Variants in INPP4B observed in about 807,000 individuals in gnomAD.
INPP4B encodes the protein inositol polyphosphate 4-phosphatase type II.
INPP4B carries 55 observed loss-of-function variants against 122.5 expected under a neutral mutation model. That is an observed-to-expected ratio of 0.45 (90% confidence interval 0.36 to 0.56). The LOEUF (loss-of-function observed/expected upper bound fraction) is 0.56, where lower values mean the gene tolerates loss of function less well. Ranked by LOEUF, INPP4B falls within the 20% of genes least tolerant of loss-of-function variation. INPP4B has a pLI of 0.00. For missense variants in INPP4B, 1,000 were observed against 1,097.7 expected (o/e 0.91, Z 1.26); for synonymous variants, 403 against 388.7 (o/e 1.04, Z -0.43).
At chr4:142,366,677 C>A (rs908643274) in intron 7 of INPP4B, among the ~76,000 whole-genome samples, 1 of 152,086 alleles carries the variant, frequency 6.6e-6, no homozygotes, top group Non-Finnish European at 1.5e-5. Flanking sequence ...TTTCTTACAG[C>A]ATCTTACAGG....
intron 2 of INPP4B, among the ~76,000 whole-genome samples, chr4:142,699,085 G>C (rs1461505027): frequency 6.6e-6 from 1 of 152,148 alleles, no homozygotes; most frequent in Non-Finnish European, 1.5e-5. Flanking sequence ...TGCATGGGTG[G>C]GGTGGAAGTG....
chr4:142,084,900 T>C (rs1329838833), intron 24 of INPP4B, among the ~76,000 whole-genome samples: 2 of 152,226 alleles, frequency 1.3e-5, no homozygotes, highest in African/African-American at 4.8e-5. Flanking sequence ...ACTATCTTCA[T>C]GCCGTCATGT....
rs1354516873 is a variant in INPP4B, at chr4:142,647,039, T to C, written c.-191+78800A>G. 2.0e-5 allele frequency among the ~76,000 whole-genome samples: 3 copies of C among 152,204 alleles called. No homozygotes were observed. In the South Asian group the frequency reaches 6.2e-4, roughly 31 times the overall value. Reference sequence around the variant, plus strand: ...TAACTTTACTGGTGGATAAAAATTTTTGTATAGGGGAAAATCTTGGGCCTA... The same window carrying C: ...TAACTTTACTGGTGGATAAAAATTTCTGTATAGGGGAAAATCTTGGGCCTA... On this transcript the variant is annotated intron_variant, in intron 2 of 25. Coordinates refer to ENST00000262992, the MANE Select transcript of INPP4B (RefSeq NM_001101669.3).
intron 2 of INPP4B, among the ~76,000 whole-genome samples, chr4:142,555,493 A>G (rs1310880094): frequency 6.6e-6 from 1 of 152,198 alleles, no homozygotes; most frequent in African/African-American, 2.4e-5. Context: ...ATAGTTGTAA[A>G]TGGGTATTTT....
At chr4:142,488,161 T>C (rs1348417922) in intron 2 of INPP4B, among the ~76,000 whole-genome samples, 6 of 152,130 alleles carry the variant, frequency 3.9e-5, no homozygotes, top group Non-Finnish European at 8.8e-5. Flanking sequence ...GAGGTGATCA[T>C]AGAACTTCCT....
At chr4:142,195,861 G>A (rs2149388162) in intron 14 of INPP4B, among the ~76,000 whole-genome samples, 1 of 152,264 alleles carries the variant, frequency 6.6e-6, no homozygotes, top group Non-Finnish European at 1.5e-5. Context: ...CTTATACGAG[G>A]ACTATGCAAG....
chr4:142,805,040 C>T (rs911555319), intron 1 of INPP4B, among the ~76,000 whole-genome samples: 6 of 152,118 alleles, frequency 3.9e-5, no homozygotes, highest in South Asian at 4.1e-4. Context: ...GTACCTGACA[C>T]GCAGCATTCA....
intron 11 of INPP4B, among the ~76,000 whole-genome samples, chr4:142,242,197 C>T (rs954682638): frequency 3.3e-5 from 5 of 152,090 alleles, no homozygotes; most frequent in African/African-American, 9.7e-5. Flanking sequence ...TGAAACTTGG[C>T]TCTTTTAAAG....
intron 12 of INPP4B, among the ~76,000 whole-genome samples, chr4:142,217,150 A>C (rs1341532056): frequency 6.6e-6 from 1 of 152,176 alleles, no homozygotes; most frequent in Non-Finnish European, 1.5e-5. Flanking sequence ...GGGGCAAAAA[A>C]ACAAAAACAA....
In INPP4B at chr4:142,029,741, C is replaced by T. The variant is rs964560881; in HGVS notation, c.2643-827G>A. ...AGTGGAAATAAAGTCTGCAACCTCC[C>T]ACATCTCTAGAACTTGTCTCAGGGT... On this transcript the variant is annotated intron_variant, in intron 25 of 25. Transcript: ENST00000262992. The T allele has an allele frequency of 1.3e-5, 13 of 991,722 alleles. No homozygotes were observed. The African/African-American group carries it at 2.1e-4, about 16-fold the overall frequency. The allele number at this position is 991,722 out of a possible 1,614,324, so 61.4% of individuals were successfully genotyped here. A position where few individuals can be genotyped will look rare whatever the true frequency, so the allele number is the denominator to read the frequency against.
chr4:142,250,535 T>G (rs1358204298), intron 11 of INPP4B, among the ~76,000 whole-genome samples: 2 of 152,178 alleles, frequency 1.3e-5, no homozygotes, highest in African/African-American at 4.8e-5. Context: ...TGAGTTTAGA[T>G]AGATAGATAA....
At chr4:142,061,877 CACACACACATATATATATAT>C (rs1298854847) in intron 25 of INPP4B, among the ~76,000 whole-genome samples, 1 of 17,416 alleles carries the variant, frequency 5.7e-5, no homozygotes, top group African/African-American at 1.2e-4. Context: ...CACACACACA[CACACACACATATATATATAT>C]ATATATATAT....
intron 2 of INPP4B, among the ~76,000 whole-genome samples, chr4:142,635,924 T>C (rs991370391): frequency 6.6e-6 from 1 of 152,290 alleles, no homozygotes; most frequent in African/African-American, 2.4e-5. Context: ...TAACTGCATT[T>C]CTATATGCCA....
chr4:142,696,591 C>T (rs1761061238), intron 2 of INPP4B, among the ~76,000 whole-genome samples: 2 of 152,186 alleles, frequency 1.3e-5, no homozygotes, highest in African/African-American at 4.8e-5. Context: ...CTTACACCCA[C>T]TTAAACTGGG....
intron 7 of INPP4B, among the ~76,000 whole-genome samples, chr4:142,337,685 T>A (rs1257663275): frequency 2.1e-5 from 3 of 142,722 alleles, no homozygotes; most frequent in African/African-American, 7.6e-5. Flanking sequence ...TATATATATA[T>A]TATATATATT....
intron 12 of INPP4B, among the ~76,000 whole-genome samples, chr4:142,213,896 G>A (rs1242005337): frequency 6.6e-6 from 1 of 152,094 alleles, no homozygotes; most frequent in East Asian, 1.9e-4. Context: ...TGAGTCACAG[G>A]GAACTCTCGA....
Position 142,649,558 on chromosome 4 carries a change from C to T in INPP4B, c.-191+76281G>A, listed in dbSNP as rs190642176. Among the ~76,000 whole-genome samples, 23 of 152,144 alleles carry T rather than the reference C, an allele frequency of 1.5e-4. No individual in the cohort carries two copies. In the East Asian group the frequency reaches 2.1e-3, roughly 14 times the overall value. On this transcript the variant is annotated intron_variant, in intron 2 of 25. Transcript: ENST00000262992. ...GCTAAAAACCATGGCACAAGAACTT[C>T]GTGATGCATACATAAGCTTCAATAC...
intron 2 of INPP4B, among the ~76,000 whole-genome samples, chr4:142,649,076 C>G (rs1752401060): frequency 6.6e-6 from 1 of 152,222 alleles, no homozygotes; most frequent in East Asian, 1.9e-4. Context: ...CCCAGGCAAA[C>G]AGGGTCTGGA....
At chr4:142,735,688 C>G (rs1766756825) in intron 1 of INPP4B, among the ~76,000 whole-genome samples, 1 of 152,144 alleles carries the variant, frequency 6.6e-6, no homozygotes, top group South Asian at 2.1e-4. Flanking sequence ...GCACCTGTTA[C>G]TCTAACACAA....
Sources: allele counts gnomAD v4.1 joint callset (sites outside exome capture counted in the v4.1 genomes callset), GRCh38; gene constraint gnomAD v4.1.1; transcripts MANE v1.5; gene names NCBI Gene and HGNC (gene_info 2026-07-23, HGNC 2026-07-21).